Variants in KLHL29 observed in about 807,000 individuals in gnomAD.
The protein encoded by KLHL29 is kelch-like protein 29.
A neutral mutation model predicts 80.4 loss-of-function variants in KLHL29; 21 were observed. That is an observed-to-expected ratio of 0.26 (90% CI 0.19 to 0.38). The LOEUF is 0.38. Ranked by LOEUF, KLHL29 falls within the 10% of genes least tolerant of loss-of-function variation. The probability of loss-of-function intolerance (pLI) is 1.00; values close to 1 mark genes in which losing one functional copy is unlikely to be tolerated. For synonymous variants in KLHL29, 511 were observed against 526.8 expected (o/e 0.97, Z 0.41); for missense variants, 867 against 1,223.9 (o/e 0.71, Z 4.35).
chr2:23,693,190 T>A, intron 7 of KLHL29, 79 bp from the exon 8 acceptor site: 5 of 1,470,736 alleles, frequency 3.4e-6, no homozygotes, highest in Middle Eastern at 2.4e-4. Context: ...CAGAGAAGGA[T>A]CTAGGGTGAC....
At chr2:23,548,152 A>G (rs963699935) in intron 2 of KLHL29, among the ~76,000 whole-genome samples, 1 of 152,228 alleles carries the variant, frequency 6.6e-6, no homozygotes, top group African/African-American at 2.4e-5. Flanking sequence ...TCATGGGGTT[A>G]AAGAGAAAAA....
At chr2:23,677,651 AG>A (rs1288747886) in intron 5 of KLHL29, among the ~76,000 whole-genome samples, 2 of 152,240 alleles carry the variant, frequency 1.3e-5, no homozygotes, top group Admixed American at 6.5e-5. Context: ...ATATCTGATC[AG>A]ACCGGGGAGG....
chr2:23,558,982 G>T (rs1283404489), intron 2 of KLHL29, among the ~76,000 whole-genome samples: 2 of 152,256 alleles, frequency 1.3e-5, no homozygotes, highest in African/African-American at 4.8e-5. Context: ...AGCAGCCGTG[G>T]CTGCAGGGAG....
chr2:23,410,477 T>TG (rs1666836901), intron 1 of KLHL29, among the ~76,000 whole-genome samples: 1 of 152,118 alleles, frequency 6.6e-6, no homozygotes, highest in Admixed American at 6.5e-5. Context: ...TGTTTAGGAC[T>TG]GGGTGTGAGG....
At chr2:23,470,091 T>G (rs1434345327) in intron 1 of KLHL29, among the ~76,000 whole-genome samples, 3 of 152,018 alleles carry the variant, frequency 2.0e-5, no homozygotes, top group Non-Finnish European at 4.4e-5. Flanking sequence ...GGGTTTATGG[T>G]GGAGTCATGT....
At chr2:23,564,549 G>A (rs1320170400) in intron 3 of KLHL29, among the ~76,000 whole-genome samples, 1 of 152,208 alleles carries the variant, frequency 6.6e-6, no homozygotes, top group East Asian at 1.9e-4. Context: ...CTGGGTGGGG[G>A]GAAGGGAGGA....
Position 23,385,959 on chromosome 2 carries a change from C to T in KLHL29, c.-154+179C>T, listed in dbSNP as rs372231626. ...AGCCTCCCGCGTCTGGACTCGCAGG[C>T]TGCAGGAGCCCTTGCGCCTGCGCTG... On this transcript the variant is annotated intron_variant, in intron 1 of 13. Transcript: ENST00000486442. 3.1e-4 allele frequency among the ~76,000 whole-genome samples: 47 copies of T among 152,106 alleles called. 1 individual carries two copies. The East Asian group carries it at 9.1e-3, about 30-fold the overall frequency.
chr2:23,634,683 C>A (rs942568771), intron 3 of KLHL29, among the ~76,000 whole-genome samples: 2 of 152,118 alleles, frequency 1.3e-5, no homozygotes, highest in African/African-American at 2.4e-5. Context: ...GTGGATTGGG[C>A]CATCCAGGGC....
intron 3 of KLHL29, among the ~76,000 whole-genome samples, chr2:23,615,906 G>C (rs1209089947): frequency 6.6e-6 from 1 of 152,112 alleles, no homozygotes; most frequent in Non-Finnish European, 1.5e-5. Context: ...TCAGATGAAA[G>C]ATGGCAGATA....
At chr2:23,648,377 G>A (rs918807770) in intron 5 of KLHL29, among the ~76,000 whole-genome samples, 1 of 151,816 alleles carries the variant, frequency 6.6e-6, no homozygotes, top group African/African-American at 2.4e-5. Context: ...TACTTTACTG[G>A]TACCAGGGCC....
chr2:23,614,839 G>C (rs546554323), intron 3 of KLHL29, among the ~76,000 whole-genome samples: 80 of 152,340 alleles, frequency 5.3e-4, no homozygotes, highest in African/African-American at 1.9e-3. Flanking sequence ...GGAAACAGCA[G>C]GGACCGCAAA....
intron 1 of KLHL29, among the ~76,000 whole-genome samples, chr2:23,429,263 G>A (rs1195781115): frequency 6.6e-6 from 1 of 152,212 alleles, no homozygotes; most frequent in Non-Finnish European, 1.5e-5. Context: ...TGCAGCCCAG[G>A]GAGCCATGGT....
rs1452766436 is a variant in KLHL29, at chr2:23,651,985, G to A, written c.940+9135G>A. 2.0e-5 allele frequency among the ~76,000 whole-genome samples: 3 copies of A among 152,256 alleles called. No homozygotes were observed. In the East Asian group the frequency reaches 5.8e-4, roughly 29 times the overall value. Reference sequence around the variant, plus strand: ...CCAGATACAATCACATTGGGGATTAGGGCTTCAACACAGGAATTTGGGGTA... The same window carrying A: ...CCAGATACAATCACATTGGGGATTAAGGCTTCAACACAGGAATTTGGGGTA... On this transcript the variant is annotated intron_variant, in intron 5 of 13. Coordinates refer to ENST00000486442, the MANE Select transcript of KLHL29 (RefSeq NM_052920.2).
At chr2:23,671,266 G>C (rs1330227397) in intron 5 of KLHL29, among the ~76,000 whole-genome samples, 1 of 151,998 alleles carries the variant, frequency 6.6e-6, no homozygotes, top group East Asian at 1.9e-4. Flanking sequence ...TACTGGAGCA[G>C]GAGGAGGAGA....
chr2:23,475,030 C>T (rs1664594020), intron 1 of KLHL29, among the ~76,000 whole-genome samples: 2 of 151,998 alleles, frequency 1.3e-5, no homozygotes, highest in African/African-American at 4.8e-5. Context: ...AAAAATTCTC[C>T]CCAGGGAACC....
intron 3 of KLHL29, among the ~76,000 whole-genome samples, chr2:23,628,922 G>A (rs575904790): frequency 5.3e-5 from 8 of 152,332 alleles, no homozygotes; most frequent in East Asian, 3.9e-4. Context: ...CCGCAGGGCC[G>A]GCAGTTGGAA....
intron 3 of KLHL29, among the ~76,000 whole-genome samples, chr2:23,631,422 T>C (rs1210594926): frequency 6.6e-6 from 1 of 152,232 alleles, no homozygotes; most frequent in Non-Finnish European, 1.5e-5. Context: ...ACTGGTCCTT[T>C]AAACCATCAT....
intron 1 of KLHL29, among the ~76,000 whole-genome samples, chr2:23,473,300 G>T (rs1164904258): frequency 6.6e-6 from 1 of 152,110 alleles, no homozygotes; most frequent in Non-Finnish European, 1.5e-5. Context: ...TACAGGTCAG[G>T]TGAGCCTCCC....
At chr2:23,660,398 C>A (rs1385795332) in intron 5 of KLHL29, among the ~76,000 whole-genome samples, 1 of 152,156 alleles carries the variant, frequency 6.6e-6, no homozygotes, top group African/African-American at 2.4e-5. Flanking sequence ...CAAGTGTGGG[C>A]TTATCAGGGT....
Sources: gnomAD v4.1 joint callset for allele counts (sites outside exome capture counted in the v4.1 genomes callset) on GRCh38, gnomAD v4.1.1 for gene constraint, MANE v1.5 for transcripts, NCBI Gene and HGNC (gene_info 2026-07-23, HGNC 2026-07-21) for gene names.